The following ASCC3 variants were observed in gnomAD, a reference collection of about 807,000 sequenced individuals.
ASCC3 encodes ASC-1 complex subunit P200.
ASCC3 carries 158 observed loss-of-function variants against 256.3 expected under a neutral mutation model. The observed-to-expected ratio is 0.62, with a 90% confidence interval of 0.54 to 0.70. The LOEUF (loss-of-function observed/expected upper bound fraction) is 0.70. ASCC3 is among the 30% of genes least tolerant of loss of function. The probability of loss-of-function intolerance (pLI) is 0.00; values close to 1 mark genes in which losing one functional copy is unlikely to be tolerated. For synonymous variants in ASCC3, 948 were observed against 883.4 expected, an observed-to-expected ratio of 1.07 and a Z score of -1.30; for missense variants, 2,259 against 2,626.0, an observed-to-expected ratio of 0.86 and a Z score of 3.05.
intron 36 of ASCC3, among the ~76,000 whole-genome samples, chr6:100,582,067 G>A (rs368884829): frequency 5.9e-5 from 9 of 151,798 alleles, no homozygotes; most frequent in East Asian, 1.9e-4. Context: ...TTGGTGATGC[G>A]GGCTCTTTTT....
At chr6:100,768,967 G>T (rs1781792296) in intron 8 of ASCC3, among the ~76,000 whole-genome samples, 1 of 152,010 alleles carries the variant, frequency 6.6e-6, no homozygotes, top group Admixed American at 6.5e-5. Context: ...TCCTTAAATA[G>T]CACACTTTCT....
intron 19 of ASCC3, 40 bp downstream of exon 19, chr6:100,651,520 C>T: frequency 8.0e-7 from 1 of 1,243,898 alleles, no homozygotes; most frequent in Non-Finnish European, 1.2e-6. Flanking sequence ...TGAATGCATA[C>T]ATGTTGTATG....
intron 10 of ASCC3, among the ~76,000 whole-genome samples, chr6:100,753,393 C>T (rs1582811486): frequency 6.7e-6 from 1 of 150,258 alleles, no homozygotes; most frequent in African/African-American, 2.4e-5. Flanking sequence ...GATATTTATA[C>T]TTTAGCATCC....
intron 36 of ASCC3, among the ~76,000 whole-genome samples, chr6:100,549,130 G>A (rs1243032382): frequency 6.6e-6 from 1 of 151,830 alleles, no homozygotes; most frequent in Non-Finnish European, 1.5e-5. Context: ...AATAAGGGGG[G>A]ACTGCTGTAT....
intron 3 of ASCC3, among the ~76,000 whole-genome samples, chr6:100,862,182 T>G (rs1029333150): frequency 6.6e-6 from 1 of 152,204 alleles, no homozygotes; most frequent in Non-Finnish European, 1.5e-5. Flanking sequence ...TCAAACAACC[T>G]GCCTCTGTAT....
chr6:100,587,856 T>G (rs1486866184), intron 36 of ASCC3, among the ~76,000 whole-genome samples: 1 of 152,212 alleles, frequency 6.6e-6, no homozygotes, highest in Non-Finnish European at 1.5e-5. Flanking sequence ...AAGAGAAGAC[T>G]AAAACAAACG....
intron 36 of ASCC3, 145 bp downstream of exon 36, chr6:100,589,489 G>T: frequency 1.1e-6 from 1 of 879,766 alleles, no homozygotes; most frequent in Non-Finnish European, 1.7e-6. Flanking sequence ...GGGTATCTTA[G>T]TCTAGATGTG....
chr6:100,705,334 T>C (rs1778528455), intron 13 of ASCC3, among the ~76,000 whole-genome samples: 1 of 152,068 alleles, frequency 6.6e-6, no homozygotes, highest in African/African-American at 2.4e-5. Context: ...TGGAATAGTA[T>C]GATCAGAGAA....
chr6:100,675,408 A>T (rs1364951745), intron 14 of ASCC3, among the ~76,000 whole-genome samples: 1 of 152,128 alleles, frequency 6.6e-6, no homozygotes, highest in Non-Finnish European at 1.5e-5. Flanking sequence ...CTCGGAAGAG[A>T]CGATTCTAAT....
At chr6:100,511,310 C>A (rs750686126) in intron 40 of ASCC3, among the ~76,000 whole-genome samples, 1 of 151,972 alleles carries the variant, frequency 6.6e-6, no homozygotes, top group African/African-American at 2.4e-5. Flanking sequence ...CCCAGTTACT[C>A]GGGATGCTGA....
At chr6:100,630,488 T>G (rs1185476418) in intron 26 of ASCC3, among the ~76,000 whole-genome samples, 1 of 151,518 alleles carries the variant, frequency 6.6e-6, no homozygotes, top group Non-Finnish European at 1.5e-5. Flanking sequence ...TTTTGTTTTT[T>G]TTTTTTACAT....
intron 16 of ASCC3, among the ~76,000 whole-genome samples, chr6:100,656,372 CT>C (rs899531333): frequency 1.3e-5 from 2 of 151,582 alleles, no homozygotes; most frequent in Non-Finnish European, 3.0e-5. Flanking sequence ...AAAAAATTCA[CT>C]GTTTTGCACG....
rs779691048 is a variant in ASCC3, at chr6:100,833,862, G to A, written c.801+14286C>T. On this transcript the variant is annotated intron_variant, in intron 4 of 41. Coordinates refer to ENST00000369162, the MANE Select transcript of ASCC3 (RefSeq NM_006828.4). Reference sequence around the variant, plus strand: ...GTAGACCCAGGAGGGTGGATCACTTGAGGTCAGGAGTTTGAGACCAGCATG... The same window carrying A: ...GTAGACCCAGGAGGGTGGATCACTTAAGGTCAGGAGTTTGAGACCAGCATG... 7.7e-4 allele frequency among the ~76,000 whole-genome samples: 118 copies of A among 152,274 alleles called. 2 individuals are homozygous for A. The highest frequency in any genetic ancestry group is 3.6e-3 in the Admixed American group (55 of 15,294).
intron 37 of ASCC3, among the ~76,000 whole-genome samples, chr6:100,529,174 T>G (rs936789632): frequency 6.6e-6 from 1 of 151,992 alleles, no homozygotes; most frequent in African/African-American, 2.4e-5. Context: ...GTGTTTATTA[T>G]AGTAAACCTA....
intron 36 of ASCC3, among the ~76,000 whole-genome samples, chr6:100,563,094 A>AT (rs1423112249): frequency 1.3e-5 from 2 of 151,798 alleles, no homozygotes; most frequent in East Asian, 1.9e-4. Context: ...GTTAGTGGCT[A>AT]TTTTTTTAAA....
chr6:100,756,218 A>G (rs1781172636), intron 10 of ASCC3, among the ~76,000 whole-genome samples: 1 of 151,854 alleles, frequency 6.6e-6, no homozygotes, highest in African/African-American at 2.4e-5. Flanking sequence ...AAAAAAAAAA[A>G]CTTCTTTGTA....
intron 36 of ASCC3, among the ~76,000 whole-genome samples, chr6:100,583,179 A>G (rs1290154806): frequency 6.6e-6 from 1 of 151,982 alleles, no homozygotes; most frequent in African/African-American, 2.4e-5. Flanking sequence ...TCCTCCTTGT[A>G]CCTCTTGTAC....
intron 14 of ASCC3, among the ~76,000 whole-genome samples, chr6:100,670,571 C>G (rs75986503): frequency 3.3e-5 from 4 of 121,732 alleles, no homozygotes; most frequent in Admixed American, 1.8e-4. Flanking sequence ...ATCTTCCCCC[C>G]CCCCAAATTC....
intron 30 of ASCC3, among the ~76,000 whole-genome samples, chr6:100,614,644 A>G (rs75985339): frequency 0.012 from 1,775 of 152,266 alleles, 17 homozygotes; most frequent in Non-Finnish European, 0.02. Flanking sequence ...GCACAATGCC[A>G]CCCTCTAATC....
Sources: allele counts gnomAD v4.1 joint callset (sites outside exome capture counted in the v4.1 genomes callset), GRCh38; gene constraint gnomAD v4.1.1; transcripts MANE v1.5; gene names NCBI Gene and HGNC (gene_info 2026-07-23, HGNC 2026-07-21).